The following SERINC5 variants were observed in gnomAD, a reference collection of about 807,000 sequenced individuals.
SERINC5 encodes the protein chromosome 5 open reading frame 12.
A neutral mutation model predicts 63.1 loss-of-function variants in SERINC5; 41 were observed. The observed-to-expected ratio is 0.65, with a 90% CI of 0.51 to 0.84. The LOEUF is 0.84. Among genes scored for constraint, SERINC5 ranks in the 40% least tolerant of loss-of-function variants. The pLI, the probability that SERINC5 is intolerant of heterozygous loss-of-function variation, is 0.00. For synonymous variants in SERINC5, 222 were observed against 215.2 expected (o/e 1.03, Z -0.28); for missense variants, 523 against 573.0 (o/e 0.91, Z 0.89).
At chr5:80,202,199 T>C (rs1244495013) in intron 2 of SERINC5, among the ~76,000 whole-genome samples, 1 of 151,848 alleles carries the variant, frequency 6.6e-6, no homozygotes, top group Non-Finnish European at 1.5e-5. Context: ...GATCATGCCA[T>C]TGCACTCTAG....
intron 11 of SERINC5, among the ~76,000 whole-genome samples, chr5:80,132,821 T>G (rs1435194745): frequency 6.6e-6 from 1 of 152,106 alleles, no homozygotes; most frequent in East Asian, 1.9e-4. Context: ...GAATAAAAAT[T>G]GGCACCAGAA....
At chr5:80,236,976 C>T (rs530299049) in intron 1 of SERINC5, among the ~76,000 whole-genome samples, 19 of 152,124 alleles carry the variant, frequency 1.2e-4, no homozygotes, top group African/African-American at 4.3e-4. Context: ...CAACCTCCCG[C>T]CATCATGCCG....
chr5:80,241,226 T>C (rs111826400), intron 1 of SERINC5, among the ~76,000 whole-genome samples: 25,994 of 151,986 alleles, frequency 0.17, 2,465 homozygotes, highest in East Asian at 0.26. Flanking sequence ...ATCTCAGCAC[T>C]TTGGGAGGCC....
intron 2 of SERINC5, among the ~76,000 whole-genome samples, chr5:80,197,388 A>G (rs1395422046): frequency 3.7e-5 from 5 of 133,354 alleles, no homozygotes; most frequent in Non-Finnish European, 6.6e-5. Flanking sequence ...AGAGGGCTAT[A>G]TATTGTATGA....
At chr5:80,135,063 A>T (rs1459821537), downstream of SERINC5, among the ~76,000 whole-genome samples, 2 of 152,210 alleles carry the variant, frequency 1.3e-5, no homozygotes, top group Non-Finnish European at 2.9e-5. Context: ...ATTTGGCTGC[A>T]AATCAGGGTT....
intron 1 of SERINC5, among the ~76,000 whole-genome samples, chr5:80,223,192 T>A (rs1040092782): frequency 8.5e-5 from 13 of 152,176 alleles, no homozygotes; most frequent in African/African-American, 3.1e-4. Context: ...TGCCTGGGAT[T>A]TTATAAGGCA....
intron 2 of SERINC5, chr5:80,198,439 C>G: frequency 1.2e-6 from 1 of 807,340 alleles, no homozygotes; most frequent in Non-Finnish European, 1.5e-6. Context: ...ATTCTGCAAC[C>G]AAGGCAAAAA....
intron 11 of SERINC5, among the ~76,000 whole-genome samples, chr5:80,125,420 AAG>A (rs1400774720): frequency 1.3e-5 from 2 of 152,176 alleles, no homozygotes; most frequent in Non-Finnish European, 2.9e-5. Context: ...GAAATAGGGA[AAG>A]AGAGAGTGTT....
chr5:80,182,052 C>T (rs989702351), intron 2 of SERINC5, among the ~76,000 whole-genome samples: 2 of 152,224 alleles, frequency 1.3e-5, no homozygotes, highest in African/African-American at 2.4e-5. Context: ...CGATTGTGTA[C>T]GGTTTGCAAT....
At chr5:80,131,994 T>C (rs1470283329) in intron 11 of SERINC5, among the ~76,000 whole-genome samples, 2 of 152,020 alleles carry the variant, frequency 1.3e-5, no homozygotes, top group Admixed American at 6.6e-5. Flanking sequence ...TGGAGAAAGA[T>C]ACGTAGAAGA....
At chr5:80,227,518 T>C (rs1023340889) in intron 1 of SERINC5, among the ~76,000 whole-genome samples, 4 of 150,994 alleles carry the variant, frequency 2.6e-5, no homozygotes, top group Non-Finnish European at 4.4e-5. Context: ...CCTAGCTCTT[T>C]GGGAGACCCA....
intron 1 of SERINC5, among the ~76,000 whole-genome samples, chr5:80,210,750 G>T (rs1750396181): frequency 6.6e-6 from 1 of 152,224 alleles, no homozygotes; most frequent in Non-Finnish European, 1.5e-5. Flanking sequence ...AGGACAAACT[G>T]CTGGGGAGAA....
chr5:80,203,222 C>A, intron 1 of SERINC5, 169 bp from the exon 2 acceptor site: 1 of 614,150 alleles, frequency 1.6e-6, no homozygotes, highest in South Asian at 1.7e-5. Flanking sequence ...CTGGTCAACA[C>A]AGCAAGAACC....
intron 1 of SERINC5, among the ~76,000 whole-genome samples, chr5:80,237,914 C>A (rs949210495): frequency 1.3e-5 from 2 of 151,684 alleles, no homozygotes; most frequent in African/African-American, 4.8e-5. Context: ...ACCATCCTGG[C>A]CAACATGGTG....
intron 2 of SERINC5, among the ~76,000 whole-genome samples, chr5:80,178,381 C>G (rs7381050): frequency 0.47 from 55,384 of 118,096 alleles, 13,335 homozygotes; most frequent in Admixed American, 0.57. Context: ...GACCCCAAGA[C>G]AAGGTCTCTC....
intron 1 of SERINC5, among the ~76,000 whole-genome samples, chr5:80,209,051 C>CA (rs1204887043): frequency 6.6e-6 from 1 of 152,156 alleles, no homozygotes; most frequent in African/African-American, 2.4e-5. Context: ...TGCTTGAGGC[C>CA]AGGAGTTCGA....
chr5:80,181,412 A>T (rs936713810), intron 2 of SERINC5, among the ~76,000 whole-genome samples: 1 of 88,730 alleles, frequency 1.1e-5, no homozygotes, highest in African/African-American at 4.1e-5. Context: ...AAGCTCAGCT[A>T]ATTTTGTGTG....
chr5:80,179,938 G>A (rs562100986), intron 2 of SERINC5, among the ~76,000 whole-genome samples: 1 of 152,226 alleles, frequency 6.6e-6, no homozygotes, highest in Admixed American at 6.5e-5. Context: ...CTAATTTAAA[G>A]GCAAAAACCC....
At chr5:80,185,814 T>C (rs989363521) in intron 2 of SERINC5, among the ~76,000 whole-genome samples, 1 of 152,032 alleles carries the variant, frequency 6.6e-6, no homozygotes, top group African/African-American at 2.4e-5. Flanking sequence ...ACACTTCTTT[T>C]GTGGTGGAAT....
Sources: gnomAD v4.1 joint callset for allele counts (sites outside exome capture counted in the v4.1 genomes callset) on GRCh38, gnomAD v4.1.1 for gene constraint, MANE v1.5 for transcripts, NCBI Gene and HGNC (gene_info 2026-07-23, HGNC 2026-07-21) for gene names.